The following NUDC variants were observed in gnomAD, a reference collection of about 807,000 sequenced individuals.
The protein encoded by NUDC is nuclear migration protein nudC.
A neutral mutation model predicts 45.0 loss-of-function variants in NUDC; 14 were observed. The observed-to-expected ratio is 0.31, with a 90% CI of 0.21 to 0.49. The LOEUF (loss-of-function observed/expected upper bound fraction) is 0.49. Ranked by LOEUF, NUDC falls within the 20% of genes least tolerant of loss-of-function variation. The probability of loss-of-function intolerance (pLI) is 0.99; values close to 1 mark genes in which losing one functional copy is unlikely to be tolerated. For missense variants in NUDC, 323 were observed against 426.2 expected (o/e 0.76, Z 2.13); for synonymous variants, 153 against 156.7 (o/e 0.98, Z 0.17).
upstream of NUDC, among the ~76,000 whole-genome samples, chr1:26,917,698 G>T (rs2124081500): frequency 6.6e-6 from 1 of 152,144 alleles, no homozygotes; most frequent in South Asian, 2.1e-4. Flanking sequence ...GACCGGCCTG[G>T]CCAACATGGT....
At chr1:26,934,819 G>A (rs773683307) in intron 2 of NUDC, among the ~76,000 whole-genome samples, 12 of 151,436 alleles carry the variant, frequency 7.9e-5, no homozygotes, top group Admixed American at 2.0e-4. Context: ...CACCATGCCC[G>A]GCTAATTTTT....
At chr1:26,932,761 C>A (rs922239834) in intron 2 of NUDC, among the ~76,000 whole-genome samples, 3 of 152,138 alleles carry the variant, frequency 2.0e-5, no homozygotes, top group Admixed American at 1.3e-4. Flanking sequence ...CCCTCCCCTA[C>A]CTCCTGGTAA....
At chr1:26,928,276 C>G (rs1004476855) in intron 2 of NUDC, among the ~76,000 whole-genome samples, 1 of 152,000 alleles carries the variant, frequency 6.6e-6, no homozygotes, top group Non-Finnish European at 1.5e-5. Flanking sequence ...CAAAATTTGC[C>G]ATCTGTCATA....
intron 6 of NUDC, 124 bp downstream of exon 6, chr1:26,943,189 C>T: frequency 1.0e-6 from 1 of 1,003,584 alleles, no homozygotes. Context: ...CATGACAACA[C>T]TCTTTAAAGT....
At chr1:26,919,920 A>G (rs1227302260), upstream of NUDC, among the ~76,000 whole-genome samples, 1 of 152,212 alleles carries the variant, frequency 6.6e-6, no homozygotes, top group Non-Finnish European at 1.5e-5. Flanking sequence ...CCCAGTGCCT[A>G]GGATGGGCCC....
chr1:26,930,792 A>G (rs547805734), intron 2 of NUDC, among the ~76,000 whole-genome samples: 25 of 151,020 alleles, frequency 1.7e-4, no homozygotes, highest in African/African-American at 6.1e-4. Flanking sequence ...CGAGGTGGGC[A>G]GATCACCTGA....
Position 26,931,654 on chromosome 1 carries a change from C to T in NUDC, c.159+7488C>T, listed in dbSNP as rs28861145. Among the ~76,000 whole-genome samples, 559 of 150,522 alleles carry T rather than the reference C, an allele frequency of 3.7e-3. 2 individuals carry two copies. The highest frequency in any genetic ancestry group is 0.012 in the African/African-American group (501 of 41,164). ...ATTAGCCGGGCATGGTGGCACTCTC[C>T]TATAATCCCAGCTACTCGGGAGGCT... On this transcript the variant is annotated intron_variant, in intron 2 of 8. Coordinates refer to ENST00000321265, the MANE Select transcript of NUDC (RefSeq NM_006600.4).
At chr1:26,905,984 T>TA (rs1006733375) in intron 2 of NUDC, among the ~76,000 whole-genome samples, 1 of 152,006 alleles carries the variant, frequency 6.6e-6, no homozygotes, top group African/African-American at 2.4e-5. Flanking sequence ...CCGCCTTTAC[T>TA]AAAAAATACA....
At chr1:26,917,278 AGGGCTGGATGTG>A, upstream of NUDC, among the ~76,000 whole-genome samples, 1 of 151,450 alleles carries the variant, frequency 6.6e-6, no homozygotes, top group East Asian at 1.9e-4. Context: ...TAATAATAAT[AGGGCTGGATGTG>A]GGGGTTCACA....
At chr1:26,902,227 G>A (rs904046973) in intron 1 of NUDC, 18 of 152,230 alleles carry the variant, frequency 1.2e-4, no homozygotes, top group African/African-American at 4.3e-4. Context: ...GGAACTTCTT[G>A]TCCCCACTGA....
At chr1:26,924,226 C>T in intron 2 of NUDC, 60 bp downstream of exon 2, 1 of 1,431,706 alleles carries the variant, frequency 7.0e-7, no homozygotes, top group Non-Finnish European at 9.9e-7. Context: ...AAAAGCTCAC[C>T]TGGCCTTTCT....
chr1:26,933,656 C>T (rs1442807648), intron 2 of NUDC, among the ~76,000 whole-genome samples: 1 of 150,712 alleles, frequency 6.6e-6, no homozygotes, highest in Non-Finnish European at 1.5e-5. Flanking sequence ...TCAGGTGATC[C>T]ACCCGCCTCG....
At chr1:26,919,933 G>C (rs771870311), upstream of NUDC, among the ~76,000 whole-genome samples, 2 of 152,210 alleles carry the variant, frequency 1.3e-5, no homozygotes, top group Non-Finnish European at 2.9e-5. Flanking sequence ...ATGGGCCCGT[G>C]CAAGTGCAAG....
At chr1:26,914,688 C>T (rs552533342) in intron 3 of NUDC, among the ~76,000 whole-genome samples, 9 of 152,230 alleles carry the variant, frequency 5.9e-5, no homozygotes, top group African/African-American at 2.2e-4. Flanking sequence ...AGTTGCCAGC[C>T]GGGCACGGTG....
At chr1:26,943,858 C>T (rs1424546179) in intron 6 of NUDC, among the ~76,000 whole-genome samples, 2 of 152,080 alleles carry the variant, frequency 1.3e-5, no homozygotes, top group Admixed American at 6.5e-5. Context: ...ACAGCCTGTC[C>T]GACTGGCACT....
upstream of NUDC, among the ~76,000 whole-genome samples, chr1:26,917,035 A>C (rs2082065116): frequency 6.6e-6 from 1 of 152,208 alleles, no homozygotes; most frequent in African/African-American, 2.4e-5. Flanking sequence ...AGACAGGCAG[A>C]TCACCTGAGG....
chr1:26,939,548 G>A (rs2082260574), intron 2 of NUDC, among the ~76,000 whole-genome samples: 1 of 152,104 alleles, frequency 6.6e-6, no homozygotes, highest in African/African-American at 2.4e-5. Context: ...GATCACCTTA[G>A]CCCAGGGAGG....
At chr1:26,929,985 C>T (rs569223040) in intron 2 of NUDC, among the ~76,000 whole-genome samples, 3 of 152,246 alleles carry the variant, frequency 2.0e-5, no homozygotes, top group South Asian at 4.1e-4. Flanking sequence ...GATCGCACCA[C>T]TGCACTCTAC....
rs766853841 is a variant in NUDC, at chr1:26,945,594, C to A, written c.852C>A (p.Arg284=). Residue 284 remains arginine (R), a synonymous_variant, in exon 8 of 9, where the codon CGC becomes CGA. Coordinates refer to ENST00000321265, the MANE Select transcript of NUDC (RefSeq NM_006600.4). Reference sequence around the variant, plus strand: ...TGTCAGACCTGGACAGTGAGACTCGCAGCATGGTGGAAAAGATGATGTATG... The same window carrying A: ...TGTCAGACCTGGACAGTGAGACTCGAAGCATGGTGGAAAAGATGATGTATG... ...SKLSDLDSET[R]SMVEKMMYDQ... 2.5e-6 allele frequency: 4 copies of A among 1,614,060 alleles called. No individual in the cohort carries two copies. Among genetic ancestry groups the A allele is most frequent in the Non-Finnish European group, 3.4e-6 (4 of 1,180,032 alleles).
Sources: allele counts gnomAD v4.1 joint callset (sites outside exome capture counted in the v4.1 genomes callset), GRCh38; gene constraint gnomAD v4.1.1; transcripts MANE v1.5; gene names NCBI Gene and HGNC (gene_info 2026-07-23, HGNC 2026-07-21).